Variants in RSPRY1 observed in about 807,000 individuals in gnomAD.
RSPRY1 encodes the protein ring finger and SPRY domain containing 1.
In RSPRY1, 23 loss-of-function variants were observed where a neutral mutation model predicts 73.1. That is an observed-to-expected ratio of 0.31 (90% CI 0.23 to 0.45). The LOEUF is 0.45. Among genes scored for constraint, RSPRY1 ranks in the 20% least tolerant of loss-of-function variants. RSPRY1 has a pLI of 1.00. For synonymous variants in RSPRY1, 226 were observed against 251.4 expected, an observed-to-expected ratio of 0.90 and a Z score of 0.95; for missense variants, 448 against 698.7, an observed-to-expected ratio of 0.64 and a Z score of 4.05.
At chr16:57,188,718 G>A (rs918732760) in intron 1 of RSPRY1, among the ~76,000 whole-genome samples, 16 of 152,112 alleles carry the variant, frequency 1.1e-4, no homozygotes, top group Admixed American at 3.9e-4. Context: ...GTTTCTCCGT[G>A]TTGGTCAGGC....
intron 1 of RSPRY1, among the ~76,000 whole-genome samples, chr16:57,197,303 A>G (rs139378086): frequency 1.1e-4 from 17 of 152,300 alleles, no homozygotes; most frequent in Admixed American, 2.6e-4. Flanking sequence ...AAGATCATCT[A>G]CTTTGTTCAT....
chr16:57,231,729 A>G (rs2075223913), intron 13 of RSPRY1, among the ~76,000 whole-genome samples: 4 of 152,118 alleles, frequency 2.6e-5, no homozygotes, highest in Admixed American at 2.0e-4. Context: ...GTCAGTGTCA[A>G]AATCCTAAAT....
chr16:57,228,564 C>G (rs1304962745), intron 11 of RSPRY1, among the ~76,000 whole-genome samples: 2 of 152,016 alleles, frequency 1.3e-5, no homozygotes, highest in Non-Finnish European at 2.9e-5. Context: ...AATGAATAAA[C>G]TAAAAATCCC....
intron 1 of RSPRY1, among the ~76,000 whole-genome samples, chr16:57,199,335 A>G (rs1289239596): frequency 6.6e-6 from 1 of 152,190 alleles, no homozygotes; most frequent in Non-Finnish European, 1.5e-5. Context: ...TCTACTAAAA[A>G]TACAAAATTA....
intron 13 of RSPRY1, among the ~76,000 whole-genome samples, chr16:57,233,960 G>A (rs1318821438): frequency 2.6e-5 from 4 of 152,078 alleles, no homozygotes; most frequent in East Asian, 1.9e-4. Flanking sequence ...TTGTTACAAC[G>A]TAAGTCAGAT....
At chr16:57,193,990 C>T (rs1206066080) in intron 1 of RSPRY1, among the ~76,000 whole-genome samples, 1 of 151,826 alleles carries the variant, frequency 6.6e-6, no homozygotes, top group Admixed American at 6.6e-5. Context: ...TACTTGAACC[C>T]GGGAGACAGA....
At chr16:57,220,675 T>C (rs1357457707) in intron 8 of RSPRY1, 57 bp from the exon 9 acceptor site, 8 of 1,140,286 alleles carry the variant, frequency 7.0e-6, no homozygotes, top group Non-Finnish European at 1.1e-5. Context: ...TGGCACTAGC[T>C]TCTTCTTTTC....
rs542064231 is a variant in RSPRY1 at position 57,239,422 on chromosome 16, C to G, written c.*447C>G. On this transcript the variant is annotated 3_prime_UTR_variant, in exon 15 of 15. Transcript: ENST00000394420. ...ATAACTTCTCACTGGTCAGAGACAC[C>G]GGTGTGTCAAGCATGGATATTGCAT... 6.6e-6 allele frequency: 1 copy of G among 152,214 alleles called. No individual in the cohort carries two copies. Among genetic ancestry groups the G allele is most frequent in the African/African-American group, 2.4e-5 (1 of 41,370 alleles). The allele number at this position is 152,214 out of a possible 1,614,324, so 9.4% of individuals were successfully genotyped here.
chr16:57,189,121 G>A (rs2074304990), intron 1 of RSPRY1, among the ~76,000 whole-genome samples: 1 of 151,440 alleles, frequency 6.6e-6, no homozygotes, highest in Non-Finnish European at 1.5e-5. Flanking sequence ...AGCCTCCCAA[G>A]TAACTGGGAT....
rs147902966 is a variant in RSPRY1, at chr16:57,209,057, T to A, written c.404-18T>A. 939 of 1,504,952 alleles carry A rather than the reference T, an allele frequency of 6.2e-4. 4 individuals are homozygous for A. The African/African-American group carries it at 0.011, about 17-fold the overall frequency. 93.2% of individuals were successfully genotyped at this position (1,504,952 alleles called of 1,614,324 possible). ...AAAATAGTGACTCCATCATATAATC[T>A]TCTTGATTTGCTCTTAGATGAAGGA... On this transcript the variant is annotated intron_variant, in intron 3 of 14. Transcript: ENST00000394420.
At chr16:57,205,268 A>C (rs2074703337) in intron 2 of RSPRY1, 1 of 433,050 alleles carries the variant, frequency 2.3e-6, no homozygotes, top group Non-Finnish European at 4.3e-6. Context: ...TCTTTATTAG[A>C]GAATAGAGTA....
chr16:57,235,079 G>A (rs766185327), intron 13 of RSPRY1, 45 bp from the exon 14 acceptor site: 1 of 1,370,864 alleles, frequency 7.3e-7, no homozygotes. Flanking sequence ...CTGCTAACAG[G>A]ACCCCTGTTG....
intron 11 of RSPRY1, 33 bp from the exon 12 acceptor site, chr16:57,230,678 A>G: frequency 8.2e-7 from 1 of 1,218,254 alleles, no homozygotes; most frequent in Admixed American, 1.7e-5. Flanking sequence ...AGTACACATC[A>G]TTATCCTAAC....
At chr16:57,198,631 A>G (rs1453191247) in intron 1 of RSPRY1, among the ~76,000 whole-genome samples, 1 of 152,036 alleles carries the variant, frequency 6.6e-6, no homozygotes, top group African/African-American at 2.4e-5. Flanking sequence ...CCCTGAAATT[A>G]CTGAGCAACA....
chr16:57,195,971 G>A (rs1455337153), intron 1 of RSPRY1, among the ~76,000 whole-genome samples: 1 of 144,314 alleles, frequency 6.9e-6, no homozygotes, highest in South Asian at 2.2e-4. Context: ...GCAGTGAGCC[G>A]AGATCTCACC....
At chr16:57,197,176 T>C (rs1227761878) in intron 1 of RSPRY1, among the ~76,000 whole-genome samples, 1 of 152,174 alleles carries the variant, frequency 6.6e-6, no homozygotes. Context: ...TGTAATTGAT[T>C]AGCTTTCACC....
chr16:57,214,645 T>C (rs937825256), intron 6 of RSPRY1, among the ~76,000 whole-genome samples: 2 of 152,266 alleles, frequency 1.3e-5, no homozygotes, highest in Non-Finnish European at 2.9e-5. Context: ...AAGAGGTTTA[T>C]TGGTTAGTTG....
chr16:57,195,735 G>A (rs1289671660), intron 1 of RSPRY1, among the ~76,000 whole-genome samples: 3 of 148,294 alleles, frequency 2.0e-5, no homozygotes, highest in African/African-American at 5.0e-5. Context: ...AAAGAATATA[G>A]GTATTGGCCA....
Position 57,239,895 on chromosome 16 carries a change from T to C in RSPRY1, c.*920T>C, listed in dbSNP as rs1460682519. On this transcript the variant is annotated 3_prime_UTR_variant, in exon 15 of 15. Transcript: ENST00000394420. ...CTTGAACTAATAGTCTCAAAAACTC[T>C]AGAGGACAGTCTGAGAACACGTATT... The C allele has an allele frequency of 6.6e-6, 1 of 152,214 alleles. No individual in the cohort carries two copies. Among genetic ancestry groups the C allele is most frequent in the African/African-American group, 2.4e-5 (1 of 41,472 alleles). The allele number at this position is 152,214 out of a possible 1,614,324, so 9.4% of individuals were successfully genotyped here. A position where few individuals can be genotyped will look rare whatever the true frequency, so the allele number is the denominator to read the frequency against.
Sources: allele counts gnomAD v4.1 joint callset (sites outside exome capture counted in the v4.1 genomes callset), GRCh38; gene constraint gnomAD v4.1.1; transcripts MANE v1.5; gene names NCBI Gene and HGNC (gene_info 2026-07-23, HGNC 2026-07-21).